Variants in MCC observed in about 807,000 individuals in gnomAD.
MCC encodes MCC regulator of Wnt signaling pathway.
In MCC, 90 loss-of-function variants were observed where a neutral mutation model predicts 116.2. The ratio of observed to expected loss-of-function variants is 0.77; its 90% CI spans 0.65 to 0.92. The LOEUF (loss-of-function observed/expected upper bound fraction) is 0.92, where lower values mean the gene tolerates loss of function less well. Among genes scored for constraint, MCC ranks in the 40% least tolerant of loss-of-function variants. The pLI, the probability that MCC is intolerant of heterozygous loss-of-function variation, is 0.00. For missense variants in MCC, 1,516 were observed against 1,312.2 expected (o/e 1.16, Z -2.40); for synonymous variants, 578 against 510.5 (o/e 1.13, Z -1.78).
intron 17 of MCC, among the ~76,000 whole-genome samples, chr5:113,037,879 A>T (rs982016940): frequency 6.6e-6 from 1 of 152,172 alleles, no homozygotes; most frequent in Non-Finnish European, 1.5e-5. Context: ...AGCATGGGGA[A>T]ACATTTGAAA....
intron 3 of MCC, among the ~76,000 whole-genome samples, chr5:113,291,260 A>G (rs764403630): frequency 6.6e-6 from 1 of 152,094 alleles, no homozygotes; most frequent in African/African-American, 2.4e-5. Flanking sequence ...AATCCCTCCT[A>G]TCTCCCTAGT....
chr5:113,023,385 C>G lies in MCC; in HGVS notation c.*3917G>C, dbSNP rs762482594. The G allele has an allele frequency of 1.3e-5, 2 of 152,210 alleles. No individual in the cohort carries two copies. Among genetic ancestry groups the G allele is most frequent in the African/African-American group, 2.4e-5 (1 of 41,446 alleles). The allele number at this position is 152,210 out of a possible 1,614,324, so 9.4% of individuals were successfully genotyped here. A position where few individuals can be genotyped will look rare whatever the true frequency, so the allele number is the denominator to read the frequency against. On this transcript the variant is annotated 3_prime_UTR_variant, in exon 19 of 19. Coordinates refer to ENST00000408903, the MANE Select transcript of MCC (RefSeq NM_001085377.2). ...TTCCTTGTCAAATAGGCTGTTCCCA[C>G]TGGATAAGAAAATTTGCTGTATGTT...
At chr5:113,285,372 A>G (rs1315448346) in intron 3 of MCC, among the ~76,000 whole-genome samples, 1 of 121,138 alleles carries the variant, frequency 8.3e-6, no homozygotes, top group African/African-American at 3.2e-5. Context: ...AAATATGAAA[A>G]GAATAAGAAA....
At chr5:113,282,781 A>G (rs1486886793) in intron 3 of MCC, among the ~76,000 whole-genome samples, 1 of 152,184 alleles carries the variant, frequency 6.6e-6, no homozygotes, top group East Asian at 1.9e-4. Context: ...AAAATAAATT[A>G]GATTTTGGTT....
intron 3 of MCC, among the ~76,000 whole-genome samples, chr5:113,189,708 C>T (rs1326613782): frequency 6.6e-6 from 1 of 152,188 alleles, no homozygotes; most frequent in Non-Finnish European, 1.5e-5. Flanking sequence ...TCCAAGTGCT[C>T]AGAGTCTAGT....
chr5:113,227,926 T>C (rs1488597139), intron 3 of MCC, among the ~76,000 whole-genome samples: 1 of 152,264 alleles, frequency 6.6e-6, no homozygotes, highest in Non-Finnish European at 1.5e-5. Flanking sequence ...TCTTTCATTC[T>C]TGGACCAATG....
At chr5:113,302,195 A>T (rs1447152927) in intron 3 of MCC, among the ~76,000 whole-genome samples, 2 of 152,234 alleles carry the variant, frequency 1.3e-5, no homozygotes, top group Non-Finnish European at 2.9e-5. Flanking sequence ...ATGGAAGAAA[A>T]CATTACCACC....
intron 3 of MCC, among the ~76,000 whole-genome samples, chr5:113,238,931 C>T (rs1282360255): frequency 1.3e-5 from 2 of 152,168 alleles, no homozygotes; most frequent in Admixed American, 1.3e-4. Flanking sequence ...CTATTTAATT[C>T]CTGGGTTTAA....
intron 3 of MCC, among the ~76,000 whole-genome samples, chr5:113,221,937 T>C (rs1333618166): frequency 1.3e-5 from 2 of 152,202 alleles, no homozygotes; most frequent in Non-Finnish European, 2.9e-5. Flanking sequence ...TCCCCTGTCT[T>C]GATAAATTGT....
At chr5:113,313,852 G>A (rs966865124) in intron 3 of MCC, among the ~76,000 whole-genome samples, 6 of 151,858 alleles carry the variant, frequency 4.0e-5, no homozygotes, top group African/African-American at 1.5e-4. Flanking sequence ...ACAGAGTCTT[G>A]CTCTGTTGCC....
chr5:113,220,391 G>A (rs1038308919), intron 3 of MCC, among the ~76,000 whole-genome samples: 7 of 151,952 alleles, frequency 4.6e-5, no homozygotes, highest in African/African-American at 1.7e-4. Context: ...TGTCTGCTGA[G>A]ATTTTAATTG....
chr5:113,168,774 G>A (rs1489097694), intron 3 of MCC, among the ~76,000 whole-genome samples: 1 of 152,072 alleles, frequency 6.6e-6, no homozygotes, highest in East Asian at 1.9e-4. Flanking sequence ...CAACAGATCT[G>A]AGACAGGCAG....
At chr5:113,431,505 G>A (rs927085460) in intron 1 of MCC, among the ~76,000 whole-genome samples, 1 of 152,082 alleles carries the variant, frequency 6.6e-6, no homozygotes, top group Admixed American at 6.5e-5. Context: ...TCCAAGCAAG[G>A]TCACATCTTG....
intron 6 of MCC, among the ~76,000 whole-genome samples, chr5:113,108,614 T>C (rs1216761154): frequency 6.9e-6 from 1 of 145,910 alleles, no homozygotes; most frequent in African/African-American, 2.6e-5. Context: ...GATCGAGCCA[T>C]TGCACTCCAG....
intron 8 of MCC, among the ~76,000 whole-genome samples, chr5:113,096,356 C>T (rs954854815): frequency 6.6e-6 from 1 of 152,166 alleles, no homozygotes; most frequent in Non-Finnish European, 1.5e-5. Flanking sequence ...GTGCTACACC[C>T]CATTTACTGA....
At chr5:113,044,965 G>T (rs1209907202) in intron 16 of MCC, among the ~76,000 whole-genome samples, 2 of 152,152 alleles carry the variant, frequency 1.3e-5, no homozygotes, top group Admixed American at 1.3e-4. Context: ...GCAGTTCCTT[G>T]GCAGTGGCAC....
chr5:113,080,446 A>G (rs1407925714), intron 11 of MCC, among the ~76,000 whole-genome samples: 4 of 152,252 alleles, frequency 2.6e-5, no homozygotes, highest in Non-Finnish European at 4.4e-5. Context: ...AATGTGGCAC[A>G]CATACACCAT....
intron 6 of MCC, among the ~76,000 whole-genome samples, chr5:113,117,799 A>C (rs540028067): frequency 6.6e-6 from 1 of 152,362 alleles, no homozygotes; most frequent in Admixed American, 6.5e-5. Flanking sequence ...CAATACCCAG[A>C]ATCATTGGGT....
chr5:113,315,149 A>G (rs1030155455), intron 3 of MCC, among the ~76,000 whole-genome samples: 1 of 152,196 alleles, frequency 6.6e-6, no homozygotes, highest in Non-Finnish European at 1.5e-5. Context: ...CTATTGGCTG[A>G]GGTGCTTTTA....
Sources: gnomAD v4.1 joint callset for allele counts (sites outside exome capture counted in the v4.1 genomes callset) on GRCh38, gnomAD v4.1.1 for gene constraint, MANE v1.5 for transcripts, NCBI Gene and HGNC (gene_info 2026-07-23, HGNC 2026-07-21) for gene names.